GRIA2: variants seen among roughly 807,000 people sequenced by gnomAD.
GRIA2 encodes glutamate receptor 2.
A neutral mutation model predicts 97.3 loss-of-function variants in GRIA2; 14 were observed. The observed-to-expected ratio is 0.14, with a 90% CI of 0.10 to 0.23. GRIA2 has a LOEUF of 0.23. GRIA2 is among the 10% of genes least tolerant of loss of function. The pLI is 1.00. For missense variants in GRIA2, 558 were observed against 1,069.8 expected (o/e 0.52, Z 6.67); for synonymous variants, 412 against 387.8 (o/e 1.06, Z -0.73).
intron 2 of GRIA2, among the ~76,000 whole-genome samples, chr4:157,246,554 A>G (rs1162787666): frequency 6.6e-6 from 1 of 152,160 alleles, no homozygotes; most frequent in African/African-American, 2.4e-5. Flanking sequence ...TTTCAAAAAT[A>G]TAGACTATCG....
chr4:157,265,837 AAGC>A, intron 2 of GRIA2, among the ~76,000 whole-genome samples: 1 of 152,148 alleles, frequency 6.6e-6, no homozygotes, highest in Admixed American at 6.6e-5. Flanking sequence ...GGGTAGTTTT[AAGC>A]AGCATATTTA....
chr4:157,323,293 C>T (rs754895971), intron 6 of GRIA2, among the ~76,000 whole-genome samples: 22 of 138,934 alleles, frequency 1.6e-4, no homozygotes, highest in Non-Finnish European at 2.7e-4. Flanking sequence ...CGAGATCGCG[C>T]CACTGCACAC....
intron 6 of GRIA2, among the ~76,000 whole-genome samples, chr4:157,323,515 A>T (rs747626911): frequency 1.9e-4 from 29 of 152,026 alleles, no homozygotes; most frequent in Admixed American, 3.9e-4. Context: ...GTGGAATTGC[A>T]GGCTTCCGTC....
intron 5 of GRIA2, among the ~76,000 whole-genome samples, chr4:157,320,994 T>C (rs1346673829): frequency 6.6e-6 from 1 of 152,160 alleles, no homozygotes; most frequent in Non-Finnish European, 1.5e-5. Context: ...AAGATGTTCC[T>C]ATCACCTGAG....
chr4:157,299,831 A>T (rs1733534888), intron 2 of GRIA2, among the ~76,000 whole-genome samples: 1 of 152,180 alleles, frequency 6.6e-6, no homozygotes, highest in Admixed American at 6.6e-5. Context: ...GAGCATCTTT[A>T]CTTACTCCTT....
chr4:157,356,991 A>T (rs1045512504), intron 12 of GRIA2, among the ~76,000 whole-genome samples: 38 of 152,060 alleles, frequency 2.5e-4, no homozygotes, highest in Admixed American at 6.6e-5. Context: ...AATAACTATA[A>T]TTTATCATGC....
chr4:157,248,656 C>T (rs1179690580), intron 2 of GRIA2, among the ~76,000 whole-genome samples: 143 of 72,054 alleles, frequency 2.0e-3, no homozygotes, highest in African/African-American at 6.3e-3. Context: ...TATATACATA[C>T]GTATATATTT....
chr4:157,294,784 G>T (rs907606515), intron 2 of GRIA2, among the ~76,000 whole-genome samples: 1 of 152,074 alleles, frequency 6.6e-6, no homozygotes, highest in Non-Finnish European at 1.5e-5. Flanking sequence ...TCACAGCAAG[G>T]ATTAGACGCC....
chr4:157,363,211 A>C, intron 15 of GRIA2, 164 bp downstream of exon 15: 1 of 775,886 alleles, frequency 1.3e-6, no homozygotes, highest in South Asian at 2.0e-5. Context: ...TCAACTGTCT[A>C]TTTTCCTCTT....
chr4:157,356,680 A>T (rs1736392704), intron 12 of GRIA2, among the ~76,000 whole-genome samples: 1 of 152,150 alleles, frequency 6.6e-6, no homozygotes, highest in African/African-American at 2.4e-5. Context: ...AAATTGCTGG[A>T]TTCCAAAATT....
intron 2 of GRIA2, among the ~76,000 whole-genome samples, chr4:157,234,906 T>C (rs2126702080): frequency 6.6e-6 from 1 of 152,238 alleles, no homozygotes; most frequent in Admixed American, 6.5e-5. Flanking sequence ...GATTTTTACT[T>C]ACTGACAATG....
At chr4:157,223,551 T>C (rs750349725) in intron 2 of GRIA2, among the ~76,000 whole-genome samples, 1 of 152,222 alleles carries the variant, frequency 6.6e-6, no homozygotes, top group Non-Finnish European at 1.5e-5. Context: ...CTAACAGATT[T>C]AGACTATTCA....
At chr4:157,343,949 G>GA in intron 12 of GRIA2, among the ~76,000 whole-genome samples, 1 of 152,034 alleles carries the variant, frequency 6.6e-6, no homozygotes, top group African/African-American at 2.4e-5. Context: ...TAATAGTAAG[G>GA]AAAATATTAT....
In GRIA2 at chr4:157,274,636, C is replaced by T. The variant is rs193089912; in HGVS notation, c.230-28916C>T. ...TGCGGTGTTTGGCTTTTTGTCCTTG[C>T]GATAGTTTGCTGAGAATGGTGGTTT... On this transcript the variant is annotated intron_variant, in intron 2 of 15. Transcript: ENST00000264426. Among the ~76,000 whole-genome samples the T allele has an allele frequency of 2.8e-3, 422 of 150,828 alleles. 4 individuals are homozygous for T. Among genetic ancestry groups the T allele is most frequent in the African/African-American group, 9.4e-3 (385 of 41,150 alleles).
chr4:157,309,007 C>T (rs968052664), intron 3 of GRIA2, among the ~76,000 whole-genome samples: 7 of 151,890 alleles, frequency 4.6e-5, no homozygotes, highest in Non-Finnish European at 1.0e-4. Context: ...GTTACTATTA[C>T]TGAAAAAAAA....
chr4:157,230,957 A>G (rs1205271786), intron 2 of GRIA2, among the ~76,000 whole-genome samples: 1 of 152,032 alleles, frequency 6.6e-6, no homozygotes, highest in Non-Finnish European at 1.5e-5. Context: ...GGGCTCAAGC[A>G]ATTCTCCTGC....
intron 3 of GRIA2, among the ~76,000 whole-genome samples, chr4:157,310,894 A>G (rs1463210287): frequency 2.0e-5 from 3 of 152,048 alleles, no homozygotes; most frequent in Admixed American, 1.3e-4. Context: ...TCAAGTTTAC[A>G]TTATTGGCAT....
At chr4:157,275,219 G>C (rs1228194110) in intron 2 of GRIA2, among the ~76,000 whole-genome samples, 1 of 152,032 alleles carries the variant, frequency 6.6e-6, no homozygotes, top group East Asian at 1.9e-4. Context: ...GAGTTTGTTT[G>C]TTTTTTTCTT....
At chr4:157,308,028 G>C (rs1023096932) in intron 3 of GRIA2, among the ~76,000 whole-genome samples, 17 of 152,200 alleles carry the variant, frequency 1.1e-4, no homozygotes, top group Admixed American at 7.9e-4. Context: ...ATGGAGCAAA[G>C]AAAATATTTT....
Sources: gnomAD v4.1 joint callset for allele counts (sites outside exome capture counted in the v4.1 genomes callset) on GRCh38, gnomAD v4.1.1 for gene constraint, MANE v1.5 for transcripts, NCBI Gene and HGNC (gene_info 2026-07-23, HGNC 2026-07-21) for gene names.